The following PLGRKT variants were observed in gnomAD, a reference collection of about 807,000 sequenced individuals.
The protein encoded by PLGRKT is plasminogen receptor with a C-terminal lysine.
A neutral mutation model predicts 18.5 loss-of-function variants in PLGRKT; 22 were observed. The ratio of observed to expected loss-of-function variants is 1.19; its 90% CI spans 0.85 to 1.70. The LOEUF is 1.70. Ranked by LOEUF, PLGRKT falls within the 40% of genes most tolerant of loss-of-function variation. The probability of loss-of-function intolerance (pLI) is 0.00; values close to 1 mark genes in which losing one functional copy is unlikely to be tolerated. For missense variants in PLGRKT, 235 were observed against 174.4 expected (o/e 1.35, Z -1.96); for synonymous variants, 72 against 52.8 (o/e 1.36, Z -1.58).
chr9:5,432,047 C>G, intron 2 of PLGRKT, 64 bp from the exon 3 acceptor site: 1 of 741,270 alleles, frequency 1.3e-6, no homozygotes, highest in Non-Finnish European at 2.4e-6. Context: ...GTATGCTCCA[C>G]TTTGAGCTAC....
chr9:5,394,287 A>C (rs1181332764), intron 3 of PLGRKT, among the ~76,000 whole-genome samples: 2 of 151,884 alleles, frequency 1.3e-5, no homozygotes, highest in African/African-American at 4.9e-5. Flanking sequence ...CATATTTACT[A>C]GTTTCTAACA....
In PLGRKT at chr9:5,418,886, G is replaced by A; in HGVS notation, c.81+13011C>T. The stretch of plus-strand genomic sequence containing the variant: ...TGGAGGCAAACTGAACAGCAGGTGT[G>A]CTTGCAATCCAGCAACTTGGCCTTC... On this transcript the variant is annotated intron_variant, in intron 3 of 5. Transcript: ENST00000223864. The surrounding 1 kb of genome is among the most constrained non-coding windows in gnomAD (Gnocchi z 4.2). 2 of 995,362 alleles carry A rather than the reference G, an allele frequency of 2.0e-6. No individual in the cohort carries two copies. Among genetic ancestry groups the A allele is most frequent in the Admixed American group, 1.8e-5 (1 of 55,612 alleles). 61.7% of individuals were successfully genotyped at this position (995,362 alleles called of 1,614,324 possible). A position where few individuals can be genotyped will look rare whatever the true frequency, so the allele number is the denominator to read the frequency against.
intron 3 of PLGRKT, among the ~76,000 whole-genome samples, chr9:5,425,336 A>G (rs1165928290): frequency 1.3e-5 from 2 of 152,196 alleles, no homozygotes; most frequent in Non-Finnish European, 2.9e-5. Context: ...TTTGTTGATA[A>G]TCTGAAAATA....
At chr9:5,365,534 A>G (rs1462180782) in intron 3 of PLGRKT, among the ~76,000 whole-genome samples, 5 of 152,174 alleles carry the variant, frequency 3.3e-5, no homozygotes, top group Non-Finnish European at 4.4e-5. Flanking sequence ...CTTGCTCCCA[A>G]TGAAAACAGT....
chr9:5,393,843 C>T (rs1817993945), intron 3 of PLGRKT, among the ~76,000 whole-genome samples: 1 of 151,716 alleles, frequency 6.6e-6, no homozygotes, highest in South Asian at 2.1e-4. Context: ...GAATAGATTT[C>T]CGTTTTAAAG....
chr9:5,371,976 T>C (rs555258011), intron 3 of PLGRKT, among the ~76,000 whole-genome samples: 151 of 143,930 alleles, frequency 1.0e-3, no homozygotes, highest in Middle Eastern at 3.6e-3. Context: ...AAAAACAATA[T>C]CAGAAAATCC....
intron 3 of PLGRKT, among the ~76,000 whole-genome samples, chr9:5,424,628 T>C (rs1159440715): frequency 8.2e-6 from 1 of 122,308 alleles, no homozygotes; most frequent in Non-Finnish European, 1.7e-5. Flanking sequence ...TATTATATTA[T>C]ATTAATATAT....
intron 3 of PLGRKT, among the ~76,000 whole-genome samples, chr9:5,365,574 C>T (rs1266882734): frequency 6.6e-6 from 1 of 152,040 alleles, no homozygotes; most frequent in Non-Finnish European, 1.5e-5. Flanking sequence ...GATGAAGAAG[C>T]TAAAGAGACA....
At chr9:5,420,018 A>G (rs928159332) in intron 3 of PLGRKT, among the ~76,000 whole-genome samples, 1 of 152,260 alleles carries the variant, frequency 6.6e-6, no homozygotes, top group Non-Finnish European at 1.5e-5. Context: ...TGGTATATCC[A>G]TACAATGGAT....
intron 3 of PLGRKT, among the ~76,000 whole-genome samples, chr9:5,367,793 G>C (rs1817427367): frequency 6.6e-6 from 1 of 152,126 alleles, no homozygotes; most frequent in Middle Eastern, 3.4e-3. Context: ...ACTATCAACA[G>C]AGTAAACAAT....
At chr9:5,412,509 T>A (rs1238892813) in intron 3 of PLGRKT, among the ~76,000 whole-genome samples, 1 of 152,228 alleles carries the variant, frequency 6.6e-6, no homozygotes, top group African/African-American at 2.4e-5. Flanking sequence ...CAAGCTTTCT[T>A]GGGCTTGCTT....
At chr9:5,359,233 T>A (rs948199861) in intron 5 of PLGRKT, among the ~76,000 whole-genome samples, 10 of 152,068 alleles carry the variant, frequency 6.6e-5, no homozygotes, top group Admixed American at 6.6e-4. Context: ...ATTTTTTGTA[T>A]TTTTCATAGA....
intron 3 of PLGRKT, among the ~76,000 whole-genome samples, chr9:5,363,646 TTC>T (rs1817317772): frequency 6.6e-6 from 1 of 152,080 alleles, no homozygotes; most frequent in Non-Finnish European, 1.5e-5. Flanking sequence ...AGGGCCATAA[TTC>T]TCTGTCTGGG....
At chr9:5,410,025 T>C in intron 3 of PLGRKT, among the ~76,000 whole-genome samples, 1 of 152,240 alleles carries the variant, frequency 6.6e-6, no homozygotes, top group Non-Finnish European at 1.5e-5. Flanking sequence ...TATAAGATGA[T>C]AAAATGATTG....
chr9:5,381,353 C>T (rs1817741856), intron 3 of PLGRKT, among the ~76,000 whole-genome samples: 1 of 152,236 alleles, frequency 6.6e-6, no homozygotes, highest in Non-Finnish European at 1.5e-5. Flanking sequence ...TGCCCTGCAT[C>T]CCAGCTGCTC....
Position 5,371,986 on chromosome 9 carries a change from C to CTTTTTTTTTTT in PLGRKT, c.82-10109_82-10099dup, listed in dbSNP as rs71326158. Among the ~76,000 whole-genome samples the CTTTTTTTTTTT allele has an allele frequency of 1.5e-4, 13 of 89,144 alleles. 2 individuals are homozygous for CTTTTTTTTTTT. The highest frequency in any genetic ancestry group is 4.2e-4 in the Admixed American group (3 of 7,132). The allele number at this position is 89,144 out of a possible 152,430, so 58.5% of individuals were successfully genotyped here. Reference sequence around the variant, plus strand: ...CTGCAAAAAACAATATCAGAAAATCCTTTTTTTTTTTTTGATATGGAGTCT... The same window carrying CTTTTTTTTTTT: ...CTGCAAAAAACAATATCAGAAAATCCTTTTTTTTTTTTTTTTTTTTTTTTGATATGGAGTCT... On this transcript the variant is annotated intron_variant, in intron 3 of 5. Coordinates refer to ENST00000223864, the MANE Select transcript of PLGRKT (RefSeq NM_018465.4).
intron 2 of PLGRKT, among the ~76,000 whole-genome samples, chr9:5,433,190 C>T (rs536524076): frequency 6.6e-5 from 10 of 150,390 alleles, no homozygotes; most frequent in African/African-American, 2.5e-4. Context: ...CCGGCCGCCA[C>T]CCCGTCTAGG....
chr9:5,422,527 T>G (rs1818597633), intron 3 of PLGRKT, among the ~76,000 whole-genome samples: 1 of 152,210 alleles, frequency 6.6e-6, no homozygotes, highest in African/African-American at 2.4e-5. Context: ...AAGGGAGGGA[T>G]ATTCTCACAA....
chr9:5,385,141 T>C (rs1001031249), intron 3 of PLGRKT, among the ~76,000 whole-genome samples: 6 of 152,188 alleles, frequency 3.9e-5, no homozygotes, highest in Non-Finnish European at 8.8e-5. Flanking sequence ...TGGAAGGTTT[T>C]GAAACAGTGT....
Sources: allele counts gnomAD v4.1 joint callset (sites outside exome capture counted in the v4.1 genomes callset), GRCh38; gene constraint gnomAD v4.1.1; non-coding constraint Gnocchi (gnomAD v3.1); transcripts MANE v1.5; gene names NCBI Gene and HGNC (gene_info 2026-07-23, HGNC 2026-07-21).